The following RIT2 variants were observed in gnomAD, a reference collection of about 807,000 sequenced individuals.
The protein encoded by RIT2 is GTP-binding protein Rit2.
RIT2 carries 24 observed loss-of-function variants against 23.7 expected under a neutral mutation model. The observed-to-expected ratio is 1.01, with a 90% CI of 0.73 to 1.43. RIT2 has a LOEUF of 1.43. RIT2 is among the 40% of genes most tolerant of loss of function. The probability of loss-of-function intolerance (pLI) is 0.00; values close to 1 mark genes in which losing one functional copy is unlikely to be tolerated. For synonymous variants in RIT2, 107 were observed against 91.1 expected (o/e 1.17, Z -0.99); for missense variants, 236 against 266.9 (o/e 0.88, Z 0.81).
rs73471604 is a variant in RIT2 at position 42,853,149 on chromosome 18, G to A, written c.426+70423C>T. On this transcript the variant is annotated intron_variant, in intron 4 of 4. Transcript: ENST00000326695. ...ATGCCTGGCCTCTTTTCAGAATTTT[G>A]TAATGACTTGAAATAAATTTGTGAC... 6.1e-3 allele frequency among the ~76,000 whole-genome samples: 926 copies of A among 152,064 alleles called. 9 individuals are homozygous for A. The highest frequency in any genetic ancestry group is 0.021 in the African/African-American group (878 of 41,504).
At chr18:42,853,680 G>T (rs1442319569) in intron 4 of RIT2, among the ~76,000 whole-genome samples, 1 of 152,042 alleles carries the variant, frequency 6.6e-6, no homozygotes, top group Admixed American at 6.6e-5. Flanking sequence ...CTGAGGATTT[G>T]CCCTTTTAGA....
At chr18:42,762,889 G>C (rs1164466939) in intron 4 of RIT2, among the ~76,000 whole-genome samples, 1 of 152,188 alleles carries the variant, frequency 6.6e-6, no homozygotes, top group Non-Finnish European at 1.5e-5. Flanking sequence ...ACATTAGCAA[G>C]ATGAGTTTCA....
chr18:42,912,854 G>C (rs192838053), intron 4 of RIT2, among the ~76,000 whole-genome samples: 1 of 151,882 alleles, frequency 6.6e-6, no homozygotes, highest in African/African-American at 2.4e-5. Context: ...TAACCAATAG[G>C]TTTAATTTAA....
intron 4 of RIT2, among the ~76,000 whole-genome samples, chr18:42,900,981 T>A (rs1229993609): frequency 6.6e-6 from 1 of 152,012 alleles, no homozygotes; most frequent in Non-Finnish European, 1.5e-5. Flanking sequence ...TTTGGCTTTT[T>A]TTTTACTGTG....
intron 2 of RIT2, among the ~76,000 whole-genome samples, chr18:43,013,083 C>G (rs1235729753): frequency 1.3e-5 from 2 of 151,820 alleles, no homozygotes; most frequent in African/African-American, 2.4e-5. Context: ...AACAAATCCT[C>G]TCCCTAAAAT....
intron 3 of RIT2, among the ~76,000 whole-genome samples, chr18:42,942,895 G>C (rs561468802): frequency 6.6e-6 from 1 of 152,302 alleles, no homozygotes; most frequent in Non-Finnish European, 1.5e-5. Context: ...TGCCATGTTG[G>C]TGATTGATGA....
chr18:42,951,882 G>A (rs1909859245), intron 3 of RIT2, among the ~76,000 whole-genome samples: 1 of 152,120 alleles, frequency 6.6e-6, no homozygotes, highest in Non-Finnish European at 1.5e-5. Flanking sequence ...AAAGGAAAGA[G>A]GTTTAATTGA....
At chr18:43,108,854 G>C (rs756689429) in intron 1 of RIT2, among the ~76,000 whole-genome samples, 4 of 152,136 alleles carry the variant, frequency 2.6e-5, no homozygotes. Context: ...GAAGGCCCTG[G>C]AATCTTAAAA....
intron 4 of RIT2, among the ~76,000 whole-genome samples, chr18:42,854,363 C>A (rs1357797705): frequency 6.6e-6 from 1 of 152,070 alleles, no homozygotes; most frequent in Non-Finnish European, 1.5e-5. Context: ...AGATAGTAAG[C>A]TTATAATAAG....
At chr18:43,006,019 A>G (rs1196387379) in intron 2 of RIT2, among the ~76,000 whole-genome samples, 1 of 151,726 alleles carries the variant, frequency 6.6e-6, no homozygotes, top group Non-Finnish European at 1.5e-5. Flanking sequence ...TTTTCATAAC[A>G]AAAGCCCACG....
chr18:42,868,538 A>G (rs534801049), intron 4 of RIT2, among the ~76,000 whole-genome samples: 39 of 152,358 alleles, frequency 2.6e-4, no homozygotes, highest in African/African-American at 9.1e-4. Flanking sequence ...TTTCATTACA[A>G]AAAATTAAAT....
At chr18:42,836,662 T>C (rs1906611458) in intron 4 of RIT2, among the ~76,000 whole-genome samples, 1 of 152,084 alleles carries the variant, frequency 6.6e-6, no homozygotes, top group Admixed American at 6.5e-5. Context: ...TGAACAGTAA[T>C]AGTGAAGAAA....
intron 2 of RIT2, among the ~76,000 whole-genome samples, chr18:42,982,306 T>TTG (rs1215350634): frequency 6.6e-6 from 1 of 152,068 alleles, no homozygotes. Flanking sequence ...CCTTCCGCAT[T>TTG]TGTTCTCTGC....
intron 4 of RIT2, among the ~76,000 whole-genome samples, chr18:42,745,652 G>T (rs1040976295): frequency 6.6e-6 from 1 of 151,830 alleles, no homozygotes; most frequent in Non-Finnish European, 1.5e-5. Flanking sequence ...GAAATGCAGC[G>T]AAAACAATCA....
intron 2 of RIT2, among the ~76,000 whole-genome samples, chr18:43,007,079 T>C (rs1006058740): frequency 6.6e-6 from 1 of 151,630 alleles, no homozygotes; most frequent in African/African-American, 2.4e-5. Flanking sequence ...CAAACTAACT[T>C]TCAAGTATAA....
chr18:42,873,168 A>G (rs1474389098), intron 4 of RIT2, among the ~76,000 whole-genome samples: 1 of 152,084 alleles, frequency 6.6e-6, no homozygotes, highest in African/African-American at 2.4e-5. Context: ...TAATAAAATA[A>G]ATTGAGAATG....
At chr18:42,925,045 AAG>A (rs1909146667) in intron 3 of RIT2, among the ~76,000 whole-genome samples, 1 of 152,118 alleles carries the variant, frequency 6.6e-6, no homozygotes, top group Non-Finnish European at 1.5e-5. Flanking sequence ...CAGACGTGAC[AAG>A]AGACTTGTCC....
chr18:42,953,396 G>C (rs1265644992), intron 3 of RIT2, among the ~76,000 whole-genome samples: 1 of 152,108 alleles, frequency 6.6e-6, no homozygotes, highest in Admixed American at 6.6e-5. Flanking sequence ...AGCCATCTCA[G>C]TGGCACCCTA....
At chr18:43,041,497 T>C (rs1349226684) in intron 1 of RIT2, among the ~76,000 whole-genome samples, 1 of 152,186 alleles carries the variant, frequency 6.6e-6, no homozygotes, top group East Asian at 1.9e-4. Context: ...TTAGTGGCTA[T>C]ATCATTAACA....
Sources: allele counts gnomAD v4.1 joint callset (sites outside exome capture counted in the v4.1 genomes callset), GRCh38; gene constraint gnomAD v4.1.1; transcripts MANE v1.5; gene names NCBI Gene and HGNC (gene_info 2026-07-23, HGNC 2026-07-21).